Variants in MYO18B observed in about 807,000 individuals in gnomAD.
The protein encoded by MYO18B is myosin XVIIIB.
Under a neutral mutation model 273.0 loss-of-function variants are expected in MYO18B, and 204 were observed. That is an observed-to-expected ratio of 0.75 (90% CI 0.67 to 0.84). MYO18B has a LOEUF of 0.84. Ranked by LOEUF, MYO18B falls within the 40% of genes least tolerant of loss-of-function variation. The pLI, the probability that MYO18B is intolerant of heterozygous loss-of-function variation, is 0.00. For synonymous variants in MYO18B, 1,330 were observed against 1,305.7 expected, an observed-to-expected ratio of 1.02 and a Z score of -0.40; for missense variants, 3,212 against 3,287.6, an observed-to-expected ratio of 0.98 and a Z score of 0.56.
Position 26,007,500 on chromosome 22 carries a change from C to T in MYO18B, c.6470+2645C>T, listed in dbSNP as rs1376308112. ...GTAAAGTTTACTGGAAAAATCTGATCTCTGTTTATTAGTACTAAAACTGCC... is the reference window on the plus strand; with the variant it reads ...GTAAAGTTTACTGGAAAAATCTGATTTCTGTTTATTAGTACTAAAACTGCC... On this transcript the variant is annotated intron_variant, in intron 42 of 43. Coordinates refer to ENST00000335473, the MANE Select transcript of MYO18B (RefSeq NM_032608.7). 3.3e-5 allele frequency among the ~76,000 whole-genome samples: 5 copies of T among 152,330 alleles called. No individual in the cohort carries two copies. In the South Asian group the frequency reaches 1.0e-3, roughly 32 times the overall value.
At chr22:25,779,932 CG>C in intron 8 of MYO18B, 123 bp from the exon 9 acceptor site, 1 of 1,274,876 alleles carries the variant, frequency 7.8e-7, no homozygotes, top group Non-Finnish European at 1.1e-6. Context: ...GGAAGCCCAC[CG>C]GGGGCTGAGG....
chr22:25,763,142 C>T (rs536957790), intron 2 of MYO18B, 89 bp from the exon 3 acceptor site: 5 of 1,512,440 alleles, frequency 3.3e-6, no homozygotes, highest in Admixed American at 1.7e-5. Flanking sequence ...CCTCCGCCCC[C>T]TCCCAGGCTC....
At chr22:25,764,770 G>A (rs12169967) in intron 3 of MYO18B, among the ~76,000 whole-genome samples, 1 of 152,232 alleles carries the variant, frequency 6.6e-6, no homozygotes, top group Admixed American at 6.5e-5. Flanking sequence ...AAATGTTACT[G>A]TGTGCTGTTT....
intron 1 of MYO18B, among the ~76,000 whole-genome samples, chr22:25,759,778 T>C (rs1217836225): frequency 6.6e-6 from 1 of 152,222 alleles, no homozygotes; most frequent in Non-Finnish European, 1.5e-5. Flanking sequence ...TAAACACTCT[T>C]TTTTTGATGG....
intron 1 of MYO18B, among the ~76,000 whole-genome samples, chr22:25,755,937 G>A (rs755182746): frequency 2.7e-5 from 4 of 150,928 alleles, no homozygotes; most frequent in Non-Finnish European, 5.9e-5. Flanking sequence ...CACCCCCGTT[G>A]CCCAGGCTGG....
rs538587247 is a variant in MYO18B, at chr22:25,988,982, A to G, written c.6157-3381A>G. Among the ~76,000 whole-genome samples, 11 of 152,056 alleles carry G rather than the reference A, an allele frequency of 7.2e-5. No individual in the cohort carries two copies. The South Asian group carries it at 1.2e-3, about 17-fold the overall frequency. On this transcript the variant is annotated intron_variant, in intron 39 of 43. Coordinates refer to ENST00000335473, the MANE Select transcript of MYO18B (RefSeq NM_032608.7). ...TGGATTTGACTCATTTTAGACTCCT[A>G]TTTCTTCTGCCCACTTGCTTAGTCC...
At chr22:25,828,056 T>A (rs1472365152) in intron 14 of MYO18B, among the ~76,000 whole-genome samples, 1 of 152,188 alleles carries the variant, frequency 6.6e-6, no homozygotes, top group Non-Finnish European at 1.5e-5. Flanking sequence ...CTGATCATAC[T>A]CGTGGTGATG....
intron 33 of MYO18B, among the ~76,000 whole-genome samples, chr22:25,911,882 TC>T (rs1353521648): frequency 6.6e-6 from 1 of 152,238 alleles, no homozygotes; most frequent in Non-Finnish European, 1.5e-5. Flanking sequence ...GATACTCTAT[TC>T]CCTTCCTGTG....
chr22:26,030,101 T>C (rs1936582463), intron 43 of MYO18B, among the ~76,000 whole-genome samples: 2 of 152,176 alleles, frequency 1.3e-5, no homozygotes, highest in Admixed American at 1.3e-4. Flanking sequence ...CCAGGCACAG[T>C]GGCTCATGCC....
chr22:26,026,213 G>A (rs889253598), intron 42 of MYO18B, among the ~76,000 whole-genome samples: 8 of 152,146 alleles, frequency 5.3e-5, no homozygotes, highest in Non-Finnish European at 7.3e-5. Flanking sequence ...CTACTCAAAT[G>A]TACTTAGCTG....
At chr22:25,834,680 G>A (rs995658993) in intron 16 of MYO18B, among the ~76,000 whole-genome samples, 19 of 152,102 alleles carry the variant, frequency 1.2e-4, no homozygotes, top group Admixed American at 1.2e-3. Context: ...AAACTCCCCA[G>A]GCCTCTCTCA....
rs993869077 is a variant in MYO18B, at chr22:26,019,156, G to A, written c.6471-7289G>A. On this transcript the variant is annotated intron_variant, in intron 42 of 43. Coordinates refer to ENST00000335473, the MANE Select transcript of MYO18B (RefSeq NM_032608.7). ...AGGGGAGGGCAGCCCATCTTCTGCT[G>A]CTATGTGCTGAAAACATTATAGGTA... Among the ~76,000 whole-genome samples, 6 of 152,148 alleles carry A rather than the reference G, an allele frequency of 3.9e-5. 1 individual carries two copies. The highest frequency in any genetic ancestry group is 4.4e-5 in the Non-Finnish European group (3 of 68,040).
Position 25,883,684 on chromosome 22 carries a change from A to G in MYO18B, c.4314+5636A>G, listed in dbSNP as rs1467255379. On this transcript the variant is annotated intron_variant, in intron 25 of 43. Transcript: ENST00000335473. This position sits in a 1 kb window ranked among gnomAD's most constrained non-coding sequence, Gnocchi z 7.6. ...CCCTGCTGCGGTTCGTGGCCTCTGC[A>G]TGCCACCCCTTTGTCTCTGGAGGGG... is the stretch of plus-strand genomic sequence containing the variant. 1 of 152,198 alleles carries G rather than the reference A, an allele frequency of 6.6e-6. No homozygotes were observed. Among genetic ancestry groups the G allele is most frequent in the Non-Finnish European group, 1.5e-5 (1 of 68,040 alleles). 9.4% of individuals were successfully genotyped at this position (152,198 alleles called of 1,614,324 possible).
At chr22:26,015,803 G>A (rs1267490038) in intron 42 of MYO18B, among the ~76,000 whole-genome samples, 2 of 151,950 alleles carry the variant, frequency 1.3e-5, no homozygotes, top group Admixed American at 1.3e-4. Flanking sequence ...GAACTTAAAA[G>A]TTTTTTTTCT....
At chr22:25,937,953 G>A (rs773343417) in intron 34 of MYO18B, among the ~76,000 whole-genome samples, 80 of 152,226 alleles carry the variant, frequency 5.3e-4, no homozygotes, top group Admixed American at 8.5e-4. Context: ...TTGATCTGTG[G>A]GTGATTCCCT....
intron 39 of MYO18B, chr22:25,959,225 A>G (rs2092889643): frequency 6.7e-6 from 1 of 150,024 alleles, no homozygotes; most frequent in Admixed American, 6.6e-5. Context: ...CACCACCACA[A>G]GTCCATTTCT....
intron 21 of MYO18B, among the ~76,000 whole-genome samples, chr22:25,863,370 A>G (rs563690276): frequency 6.6e-6 from 1 of 152,316 alleles, no homozygotes; most frequent in East Asian, 1.9e-4. Flanking sequence ...AGTTTGGATC[A>G]TAATTTTACG....
At chr22:25,991,225 GCTGTGTT>G (rs1222667885) in intron 39 of MYO18B, among the ~76,000 whole-genome samples, 1 of 152,180 alleles carries the variant, frequency 6.6e-6, no homozygotes, top group Non-Finnish European at 1.5e-5. Flanking sequence ...CGGGCATAGA[GCTGTGTT>G]CTGTGTCTTG....
At chr22:25,978,393 G>A (rs796227110) in intron 39 of MYO18B, among the ~76,000 whole-genome samples, 22 of 152,310 alleles carry the variant, frequency 1.4e-4, no homozygotes, top group African/African-American at 4.8e-4. Flanking sequence ...AAAGAACATG[G>A]CATGTTTGGG....
Sources: gnomAD v4.1 joint callset for allele counts (sites outside exome capture counted in the v4.1 genomes callset) on GRCh38, gnomAD v4.1.1 for gene constraint, Gnocchi (gnomAD v3.1) non-coding constraint, MANE v1.5 for transcripts, NCBI Gene and HGNC (gene_info 2026-07-23, HGNC 2026-07-21) for gene names.